The following APBB1IP variants were observed in gnomAD, a reference collection of about 807,000 sequenced individuals.
APBB1IP encodes the protein amyloid beta A4 precursor protein-binding family B member 1-interacting protein.
A neutral mutation model predicts 64.9 loss-of-function variants in APBB1IP; 27 were observed. That is an observed-to-expected ratio of 0.42 (90% CI 0.31 to 0.57). APBB1IP has a LOEUF of 0.57. Ranked by LOEUF, APBB1IP falls within the 20% of genes least tolerant of loss-of-function variation. The pLI, the probability that APBB1IP is intolerant of heterozygous loss-of-function variation, is 0.20. For synonymous variants in APBB1IP, 392 were observed against 331.0 expected (o/e 1.18, Z -2.00); for missense variants, 812 against 845.5 (o/e 0.96, Z 0.49).
chr10:26,567,375 C>A lies in APBB1IP; in HGVS notation c.1888C>A (p.Pro630Thr), dbSNP rs1588623809. 1.9e-6 allele frequency: 3 copies of A among 1,567,942 alleles called. No individual in the cohort carries two copies. The highest frequency in any genetic ancestry group is 2.6e-6 in the Non-Finnish European group (3 of 1,152,794). ...CGCGGTGGCCAAGAGGCCTCCTGTG[C>A]CCCCCAAGAGGCAAGAGAACCCAGG... ...PPAVAKRPPV[P>T]PKRQENPGHP... The change falls in exon 15 of 15, where the codon CCC becomes ACC. Residue 630 changes from proline (P) to threonine (T), a missense_variant. Around this residue, in one of 3 missense-constraint regions of APBB1IP, gnomAD observed 381 missense variants for 352.1 expected, o/e 1.08. Coordinates refer to ENST00000376236, the MANE Select transcript of APBB1IP (RefSeq NM_019043.4).
At chr10:26,517,251 T>C (rs1836343415) in intron 8 of APBB1IP, among the ~76,000 whole-genome samples, 1 of 152,218 alleles carries the variant, frequency 6.6e-6, no homozygotes, top group African/African-American at 2.4e-5. Flanking sequence ...TCTGAATTTT[T>C]ACAAAGTGAA....
intron 2 of APBB1IP, among the ~76,000 whole-genome samples, chr10:26,455,691 C>CTT (rs144857853): frequency 3.0e-4 from 45 of 150,592 alleles, no homozygotes; most frequent in African/African-American, 4.6e-4. Flanking sequence ...TGGGGGATTT[C>CTT]TTTTTTTTTG....
chr10:26,499,156 C>T (rs543216805), intron 4 of APBB1IP, among the ~76,000 whole-genome samples: 6 of 152,032 alleles, frequency 3.9e-5, no homozygotes, highest in Admixed American at 3.3e-4. Context: ...GTCCCAGCTA[C>T]TCGGGAGGCT....
intron 2 of APBB1IP, among the ~76,000 whole-genome samples, chr10:26,442,490 G>A (rs764932111): frequency 6.6e-5 from 10 of 152,122 alleles, no homozygotes; most frequent in Non-Finnish European, 8.8e-5. Flanking sequence ...GTTGTGGGCT[G>A]GGATGGGGGA....
intron 11 of APBB1IP, among the ~76,000 whole-genome samples, chr10:26,559,522 G>A (rs908827816): frequency 6.6e-6 from 1 of 151,920 alleles, no homozygotes; most frequent in African/African-American, 2.4e-5. Context: ...GGTTTGCAGT[G>A]AGCTGTGATT....
At chr10:26,488,501 G>C (rs1588582740) in intron 2 of APBB1IP, among the ~76,000 whole-genome samples, 1 of 152,246 alleles carries the variant, frequency 6.6e-6, no homozygotes, top group Non-Finnish European at 1.5e-5. Context: ...CCAAAGTGCT[G>C]GGATAACAGG....
chr10:26,558,797 C>G (rs940262529), intron 11 of APBB1IP, among the ~76,000 whole-genome samples: 1 of 152,040 alleles, frequency 6.6e-6, no homozygotes, highest in African/African-American at 2.4e-5. Flanking sequence ...AAAAATTAAA[C>G]CAGAAACAAC....
intron 2 of APBB1IP, among the ~76,000 whole-genome samples, chr10:26,456,833 A>C (rs1835532155): frequency 6.6e-6 from 1 of 151,802 alleles, no homozygotes; most frequent in South Asian, 2.1e-4. Context: ...TGGAGATAGG[A>C]AGATGAAAAG....
chr10:26,514,842 A>G (rs1836304088), intron 8 of APBB1IP, among the ~76,000 whole-genome samples: 2 of 151,924 alleles, frequency 1.3e-5, no homozygotes, highest in South Asian at 4.2e-4. Context: ...TTCGCCCCTA[A>G]CTACCTTCAA....
chr10:26,451,515 A>G (rs1417273169), intron 2 of APBB1IP, among the ~76,000 whole-genome samples: 1 of 152,226 alleles, frequency 6.6e-6, no homozygotes, highest in African/African-American at 2.4e-5. Flanking sequence ...TTTGTAAATG[A>G]TGCGTTCTGC....
chr10:26,521,068 C>T (rs1194004317), intron 8 of APBB1IP, among the ~76,000 whole-genome samples: 1 of 152,194 alleles, frequency 6.6e-6, no homozygotes, highest in Admixed American at 6.5e-5. Flanking sequence ...TGAGAGAAAA[C>T]AGAGTAACTC....
intron 2 of APBB1IP, among the ~76,000 whole-genome samples, chr10:26,475,930 A>C (rs1404253849): frequency 6.6e-6 from 1 of 152,146 alleles, no homozygotes; most frequent in Non-Finnish European, 1.5e-5. Context: ...TTTCATTTTG[A>C]AAAGTTTCAA....
At chr10:26,538,441 G>A (rs1234434413) in intron 10 of APBB1IP, among the ~76,000 whole-genome samples, 1 of 151,998 alleles carries the variant, frequency 6.6e-6, no homozygotes, top group Non-Finnish European at 1.5e-5. Context: ...AGGAGTTTGA[G>A]ACCAGCCTGT....
At chr10:26,466,030 A>C (rs1835644462) in intron 2 of APBB1IP, among the ~76,000 whole-genome samples, 1 of 152,186 alleles carries the variant, frequency 6.6e-6, no homozygotes, top group African/African-American at 2.4e-5. Context: ...TATCAGCTCC[A>C]TGATGTCTGT....
rs914387500 is a variant in APBB1IP at position 26,537,075 on chromosome 10, G to A, written c.1044+858G>A. Among the ~76,000 whole-genome samples the A allele has an allele frequency of 1.6e-4, 24 of 152,160 alleles. No homozygotes were observed. In the East Asian group the frequency reaches 4.1e-3, roughly 26 times the overall value. On this transcript the variant is annotated intron_variant, in intron 10 of 14. Transcript: ENST00000376236. ...ATTATTGCCTCAAATTTATAAGTAT[G>A]TAATAAATTATTCCTTGAAATGTAA...
Position 26,496,409 on chromosome 10 carries a change from T to G in APBB1IP, c.160+18T>G. 1 of 1,562,972 alleles carries G rather than the reference T, an allele frequency of 6.4e-7. No individual in the cohort carries two copies. The highest frequency in any genetic ancestry group is 8.8e-7 in the Non-Finnish European group (1 of 1,135,714). ...TTTAAATGGTAAGCATAACAATTTC[T>G]TTTCTTAAGTAATTCAAAATCATAA... On this transcript the variant is annotated intron_variant, in intron 4 of 14. Transcript: ENST00000376236.
intron 2 of APBB1IP, among the ~76,000 whole-genome samples, chr10:26,445,448 G>A (rs1050450082): frequency 6.6e-6 from 1 of 151,642 alleles, no homozygotes; most frequent in Admixed American, 6.6e-5. Flanking sequence ...ATAGGGTCTT[G>A]CTGTGTTGCC....
At chr10:26,531,524 G>A (rs890108775) in intron 8 of APBB1IP, among the ~76,000 whole-genome samples, 15 of 152,006 alleles carry the variant, frequency 9.9e-5, no homozygotes, top group African/African-American at 2.4e-4. Context: ...AAAATTAGCC[G>A]GGCGCGATGG....
At chr10:26,442,609 C>G (rs139267936) in intron 2 of APBB1IP, among the ~76,000 whole-genome samples, 1 of 152,232 alleles carries the variant, frequency 6.6e-6, no homozygotes, top group East Asian at 1.9e-4. Flanking sequence ...GATATTAGAG[C>G]AAGTGAATCA....
Sources: gnomAD v4.1 joint callset for allele counts (sites outside exome capture counted in the v4.1 genomes callset) on GRCh38, gnomAD v4.1.1 for gene constraint, gnomAD v4.1.1 regional missense constraint, MANE v1.5 for transcripts, NCBI Gene and HGNC (gene_info 2026-07-23, HGNC 2026-07-21) for gene names.